Variants in PLOD2 observed in about 807,000 individuals in gnomAD.
PLOD2 encodes lysine hydroxylase 2.
PLOD2 carries 65 observed loss-of-function variants against 101.0 expected under a neutral mutation model. The observed-to-expected ratio is 0.64, with a 90% CI of 0.53 to 0.79. The LOEUF is 0.79. Among genes scored for constraint, PLOD2 ranks in the 30% least tolerant of loss-of-function variants. PLOD2 has a pLI of 0.00. For missense variants in PLOD2, 909 were observed against 914.6 expected (o/e 0.99, Z 0.08); for synonymous variants, 314 against 302.9 (o/e 1.04, Z -0.38).
intron 1 of PLOD2, among the ~76,000 whole-genome samples, chr3:146,147,476 G>T (rs1185421701): frequency 6.6e-6 from 1 of 152,146 alleles, no homozygotes; most frequent in African/African-American, 2.4e-5. Context: ...CTGTAGCAGA[G>T]TTTCCCAACT....
intron 11 of PLOD2, among the ~76,000 whole-genome samples, chr3:146,084,663 T>A (rs1297899627): frequency 6.6e-6 from 1 of 152,190 alleles, no homozygotes; most frequent in Middle Eastern, 3.4e-3. Context: ...ACATGGTGTC[T>A]TTTTCCCATT....
chr3:146,149,172 C>T (rs115028130), intron 1 of PLOD2, among the ~76,000 whole-genome samples: 18 of 152,312 alleles, frequency 1.2e-4, no homozygotes, highest in African/African-American at 4.3e-4. Context: ...AAGCAACTTC[C>T]CTTCCTCTAT....
At chr3:146,160,526 C>A (rs1217626511) in intron 1 of PLOD2, among the ~76,000 whole-genome samples, 1 of 152,150 alleles carries the variant, frequency 6.6e-6, no homozygotes, top group Non-Finnish European at 1.5e-5. Flanking sequence ...CCTCGTCCAT[C>A]AAGGATAAAT....
intron 1 of PLOD2, among the ~76,000 whole-genome samples, chr3:146,151,844 C>A (rs1280140092): frequency 6.6e-6 from 1 of 152,084 alleles, no homozygotes; most frequent in Non-Finnish European, 1.5e-5. Flanking sequence ...CACAGACTAG[C>A]CAGTCAATAA....
rs540075746 is a variant in PLOD2, at chr3:146,139,485, G to C, written c.110-15256C>G. On this transcript the variant is annotated intron_variant, in intron 1 of 19. Coordinates refer to ENST00000282903, the MANE Select transcript of PLOD2 (RefSeq NM_182943.3). ...AACACAAATCTCCACAATTTATCTT[G>C]ATAAATGCTCACCCCGGTAGCGTTA... Among the ~76,000 whole-genome samples, 19 of 152,200 alleles carry C rather than the reference G, an allele frequency of 1.2e-4. No individual in the cohort carries two copies. In the South Asian group the frequency reaches 3.1e-3, roughly 25 times the overall value.
chr3:146,109,325 T>C (rs982548485), intron 4 of PLOD2, among the ~76,000 whole-genome samples: 3 of 152,214 alleles, frequency 2.0e-5, no homozygotes, highest in African/African-American at 7.2e-5. Context: ...ACAAAATCTA[T>C]ATGAGCTATC....
chr3:146,147,435 G>A (rs181939484), intron 1 of PLOD2, among the ~76,000 whole-genome samples: 4 of 152,238 alleles, frequency 2.6e-5, no homozygotes, highest in East Asian at 1.9e-4. Context: ...CACTAGAAGC[G>A]GGGCAGTGAA....
chr3:146,135,089 A>C (rs1446681162), intron 1 of PLOD2, among the ~76,000 whole-genome samples: 1 of 152,186 alleles, frequency 6.6e-6, no homozygotes, highest in Non-Finnish European at 1.5e-5. Context: ...TGAACACATA[A>C]TAACATGATT....
chr3:146,161,061 A>C lies in PLOD2; in HGVS notation c.-72T>G. 1 of 1,150,942 alleles carries C rather than the reference A, an allele frequency of 8.7e-7. No individual in the cohort carries two copies. The highest frequency in any genetic ancestry group is 2.6e-5 in the East Asian group (1 of 38,294). The allele number at this position is 1,150,942 out of a possible 1,614,324, so 71.3% of individuals were successfully genotyped here. ...AGCGCCGCGCTTCTCGCGAGAACGC[A>C]GAGACCCGGGTCCGCCCTGAGCCGC... On this transcript the variant is annotated 5_prime_UTR_variant, in exon 1 of 20. Transcript: ENST00000282903.
At position 146,070,826 on chromosome 3, in the gene PLOD2, G is replaced by A; in HGVS notation, c.2168C>T (p.Pro723Leu). The A allele has an allele frequency of 1.2e-6, 2 of 1,610,360 alleles. No homozygotes were observed. The highest frequency in any genetic ancestry group is 1.7e-6 in the Non-Finnish European group (2 of 1,177,558). ...FLRYNCSIES[P>L]RKGWSFMHPG... The stretch of plus-strand genomic sequence containing the variant: ...ATGCATGAAGCTCCAGCCTTTTCGT[G>A]GTGACTCAATAGAGCAATTGTACCT... The change falls in exon 20 of 20, where the codon CCA (proline) becomes CTA (leucine). Residue 723 changes from proline (P) to leucine (L), a missense_variant. Physicochemically the swap from Pro to Leu is moderately conservative, Grantham distance 98. Coordinates refer to ENST00000282903, the MANE Select transcript of PLOD2 (RefSeq NM_182943.3).
In PLOD2 at chr3:146,152,830, T is replaced by C. The variant is rs144129190; in HGVS notation, c.109+8051A>G. On this transcript the variant is annotated intron_variant, in intron 1 of 19. Transcript: ENST00000282903. The stretch of plus-strand genomic sequence containing the variant: ...GTCAGAGAAGAGTAAGAACTCTGAA[T>C]CTCTGCTTTGTAAGTCTGTTCATTT... Among the ~76,000 whole-genome samples the C allele has an allele frequency of 2.7e-3, 412 of 152,332 alleles. 2 individuals are homozygous for C. Among genetic ancestry groups the C allele is most frequent in the African/African-American group, 9.5e-3 (394 of 41,574 alleles).
chr3:146,102,914 CGTGTGTCTGT>C (rs1937440901), intron 6 of PLOD2, 62 bp from the exon 7 acceptor site: 1 of 863,584 alleles, frequency 1.2e-6, no homozygotes, highest in Non-Finnish European at 2.0e-6. Context: ...TGTCTGTATT[CGTGTGTCTGT>C]GTGTGTATGT....
chr3:146,081,059 C>T (rs1202618625), intron 12 of PLOD2, among the ~76,000 whole-genome samples: 2 of 151,952 alleles, frequency 1.3e-5, no homozygotes, highest in Non-Finnish European at 2.9e-5. Flanking sequence ...CATGTAATGT[C>T]TTAGTCACTC....
chr3:146,127,860 C>A (rs921252027), intron 1 of PLOD2, among the ~76,000 whole-genome samples: 5 of 152,084 alleles, frequency 3.3e-5, no homozygotes, highest in African/African-American at 1.2e-4. Context: ...GGTCAAAAAA[C>A]AACAGATGTT....
rs778448838 is a variant in PLOD2, at chr3:146,091,876, T to G, written c.803A>C (p.Tyr268Ser). 3 of 1,598,236 alleles carry G rather than the reference T, an allele frequency of 1.9e-6. No homozygotes were observed. The stretch of plus-strand genomic sequence containing the variant: ...ATCCTGTGTCCATGAATTGGGTACA[T>G]AGTTTCCAAAATAATTCAGGAGAAT... ...TKILLNYFGN[Y>S]VPNSWTQDNG... is the part of the protein sequence containing the mutation. Residue 268 changes from tyrosine (Y) to serine (S), a missense_variant, in exon 8 of 20, where the codon TAT becomes TCT. By Grantham distance (144) the Tyr-to-Ser change is moderately radical (BLOSUM62 -2). Transcript: ENST00000282903.
intron 1 of PLOD2, among the ~76,000 whole-genome samples, chr3:146,147,532 G>A (rs775954857): frequency 6.6e-6 from 1 of 152,080 alleles, no homozygotes; most frequent in African/African-American, 2.4e-5. Flanking sequence ...TCTTGGGGTG[G>A]GGCTGGGAGA....
chr3:146,128,620 C>A (rs2030725167), intron 1 of PLOD2, among the ~76,000 whole-genome samples: 1 of 151,920 alleles, frequency 6.6e-6, no homozygotes, highest in Non-Finnish European at 1.5e-5. Context: ...TTCATAATTT[C>A]CCCAAAAATC....
Position 146,085,276 on chromosome 3 carries a change from A to G in PLOD2, c.1128-3T>C. The G allele has an allele frequency of 6.8e-7, 1 of 1,476,804 alleles. No individual in the cohort carries two copies. Among genetic ancestry groups the G allele is most frequent in the Non-Finnish European group, 9.5e-7 (1 of 1,055,358 alleles). 91.5% of individuals were successfully genotyped at this position (1,476,804 alleles called of 1,614,324 possible). On this transcript the variant is annotated splice_region_variant and splice_polypyrimidine_tract_variant and intron_variant, in intron 10 of 19. Coordinates refer to ENST00000282903, the MANE Select transcript of PLOD2 (RefSeq NM_182943.3). ...TTTCATCCTGACGGCAAAAGTCCCT[A>G]ACAGTGAAAAAGAAAATGAAATGGG...
At position 146,110,327 on chromosome 3, in the gene PLOD2, A is replaced by G. The variant is rs1216350519; in HGVS notation, c.460T>C (p.Tyr154His). The stretch of plus-strand genomic sequence containing the variant: ...CGTTTCCCAATGTGCACAACAGGAT[A>G]CTTGTCTGCTAGTCTTTTATCTGGC... ...LWPDKRLADK[Y>H]PVVHIGKRYL... The change falls in exon 4 of 20, where the codon TAT (tyrosine) becomes CAT (histidine). Residue 154 changes from tyrosine (Y) to histidine (H), a missense_variant. Coordinates refer to ENST00000282903, the MANE Select transcript of PLOD2 (RefSeq NM_182943.3). The G allele has an allele frequency of 1.2e-6, 2 of 1,613,834 alleles. No individual in the cohort carries two copies. The highest frequency in any genetic ancestry group is 1.7e-6 in the Non-Finnish European group (2 of 1,179,842).
Sources: gnomAD v4.1 joint callset for allele counts (sites outside exome capture counted in the v4.1 genomes callset) on GRCh38, gnomAD v4.1.1 for gene constraint, MANE v1.5 for transcripts, NCBI Gene and HGNC (gene_info 2026-07-23, HGNC 2026-07-21) for gene names.